Variants in FBN2 observed in about 807,000 individuals in gnomAD.
FBN2 encodes the protein fibrillin-2.
Under a neutral mutation model 355.6 loss-of-function variants are expected in FBN2, and 105 were observed. That is an observed-to-expected ratio of 0.30 (90% CI 0.25 to 0.35). The LOEUF is 0.35. Ranked by LOEUF, FBN2 falls within the 10% of genes least tolerant of loss-of-function variation. FBN2 has a pLI of 1.00. For synonymous variants in FBN2, 1,350 were observed against 1,301.2 expected (o/e 1.04, Z -0.81); for missense variants, 3,280 against 3,758.7 (o/e 0.87, Z 3.33).
chr5:128,437,789 G>C, intron 7 of FBN2, among the ~76,000 whole-genome samples: 1 of 134,810 alleles, frequency 7.4e-6, no homozygotes. Context: ...TAGATAGATA[G>C]ATAGATAGAT....
chr5:128,493,561 T>A (rs1209601566), intron 5 of FBN2, among the ~76,000 whole-genome samples: 1 of 152,126 alleles, frequency 6.6e-6, no homozygotes, highest in Admixed American at 6.5e-5. Context: ...TAATCCTTCA[T>A]AAAGGGCCTT....
chr5:128,362,524 G>C (rs1468799557), intron 18 of FBN2, among the ~76,000 whole-genome samples: 1 of 152,164 alleles, frequency 6.6e-6, no homozygotes, highest in Non-Finnish European at 1.5e-5. Context: ...GCACTGGTGC[G>C]ATCACAGCTC....
rs28763935 is a variant in FBN2, at chr5:128,301,337, A to G, written c.6046+45T>C. 6.2e-3 allele frequency: 9,655 copies of G among 1,561,526 alleles called. 48 individuals carry two copies. The highest frequency in any genetic ancestry group is 8.9e-3 in the South Asian group (797 of 89,846). Reference sequence around the variant, plus strand: ...GGAGGGAGGCACATATCATCATTTTACAAAACATAACACCACAAAGACTGC... The same window carrying G: ...GGAGGGAGGCACATATCATCATTTTGCAAAACATAACACCACAAAGACTGC... On this transcript the variant is annotated intron_variant, in intron 47 of 64. Transcript: ENST00000262464.
intron 39 of FBN2, 105 bp downstream of exon 39, chr5:128,311,189 CAATCTT>C: frequency 8.7e-7 from 1 of 1,148,040 alleles, no homozygotes; most frequent in Non-Finnish European, 1.3e-6. Flanking sequence ...AGCTATGAAC[CAATCTT>C]AATTGAGCCT....
At chr5:128,279,891 A>T (rs997533553) in intron 56 of FBN2, among the ~76,000 whole-genome samples, 1 of 152,160 alleles carries the variant, frequency 6.6e-6, no homozygotes, top group Non-Finnish European at 1.5e-5. Context: ...TTTCTTTTGG[A>T]ATTAAATCAT....
intron 26 of FBN2, among the ~76,000 whole-genome samples, chr5:128,338,447 T>A (rs1477878781): frequency 6.6e-6 from 1 of 152,182 alleles, no homozygotes; most frequent in Non-Finnish European, 1.5e-5. Flanking sequence ...TCTGTAACGC[T>A]AATCAGGGTG....
chr5:128,455,203 T>C (rs2127070071), intron 6 of FBN2, among the ~76,000 whole-genome samples: 1 of 152,310 alleles, frequency 6.6e-6, no homozygotes. Flanking sequence ...CAATTTGTTA[T>C]ATATTTAAAG....
At chr5:128,409,501 A>G (rs1425866916) in intron 7 of FBN2, among the ~76,000 whole-genome samples, 1 of 152,228 alleles carries the variant, frequency 6.6e-6, no homozygotes, top group Non-Finnish European at 1.5e-5. Flanking sequence ...CTTAAAGCAG[A>G]AAACCCAGTC....
intron 11 of FBN2, among the ~76,000 whole-genome samples, chr5:128,379,361 G>A (rs763349742): frequency 6.6e-6 from 1 of 151,808 alleles, no homozygotes; most frequent in Non-Finnish European, 1.5e-5. Context: ...GAATGTCTTT[G>A]GTATAACTTT....
At chr5:128,329,605 A>G (rs1472775444) in intron 33 of FBN2, among the ~76,000 whole-genome samples, 1 of 152,236 alleles carries the variant, frequency 6.6e-6, no homozygotes, top group African/African-American at 2.4e-5. Flanking sequence ...TGTGTCTGAC[A>G]TGAAAGCCAT....
intron 8 of FBN2, among the ~76,000 whole-genome samples, chr5:128,398,593 T>C (rs897110392): frequency 6.6e-6 from 1 of 152,044 alleles, no homozygotes; most frequent in Non-Finnish European, 1.5e-5. Context: ...TATATATGAA[T>C]ATATTATCTT....
chr5:128,385,619 A>T (rs1752348303), intron 11 of FBN2, among the ~76,000 whole-genome samples: 1 of 152,042 alleles, frequency 6.6e-6, no homozygotes, highest in African/African-American at 2.4e-5. Flanking sequence ...TTATTTGAGA[A>T]ATCTCCAAAC....
In FBN2 at chr5:128,537,565, G is replaced by A. The variant is rs1756892140; in HGVS notation, c.39C>T (p.Phe13=). 1 of 1,604,944 alleles carries A rather than the reference G, an allele frequency of 6.2e-7. No homozygotes were observed. Among genetic ancestry groups the A allele is most frequent in the Non-Finnish European group, 8.5e-7 (1 of 1,177,234 alleles). Residue 13 remains phenylalanine (F), a synonymous_variant, in exon 1 of 65, where the codon TTC becomes TTT. Coordinates refer to ENST00000262464, the MANE Select transcript of FBN2 (RefSeq NM_001999.4). ...AGAGCACCACACAGCCCAGCCACAGGAAGTAGAGCTGGAGACACAGCCTCC... is the reference window on the plus strand; with the variant it reads ...AGAGCACCACACAGCCCAGCCACAGAAAGTAGAGCTGGAGACACAGCCTCC... ...RRRRLCLQLY[F]LWLGCVVLWA...
intron 5 of FBN2, among the ~76,000 whole-genome samples, chr5:128,510,150 C>T (rs772495118): frequency 1.3e-5 from 2 of 152,258 alleles, no homozygotes; most frequent in Admixed American, 1.3e-4. Context: ...TTTCTCACCC[C>T]GTAGCACAGG....
chr5:128,310,413 T>A (rs1750022689), intron 39 of FBN2, among the ~76,000 whole-genome samples: 2 of 107,898 alleles, frequency 1.9e-5, no homozygotes, highest in African/African-American at 4.0e-5. Flanking sequence ...TTTTTTTTTT[T>A]TTTTTTTTAT....
At chr5:128,305,443 T>C (rs1749841081) in intron 44 of FBN2, 68 bp downstream of exon 44, 1 of 1,565,392 alleles carries the variant, frequency 6.4e-7, no homozygotes, top group African/African-American at 1.4e-5. Flanking sequence ...ATTCTTGAAG[T>C]ATTTTTTGAT....
At chr5:128,377,022 G>C (rs963803560) in intron 13 of FBN2, among the ~76,000 whole-genome samples, 169 bp from the exon 14 acceptor site, 5 of 152,156 alleles carry the variant, frequency 3.3e-5, no homozygotes, top group Non-Finnish European at 7.3e-5. Flanking sequence ...AAATAGTGCG[G>C]AGAGTGGAAA....
intron 6 of FBN2, among the ~76,000 whole-genome samples, chr5:128,464,501 C>T (rs980127677): frequency 3.9e-5 from 6 of 152,116 alleles, no homozygotes; most frequent in Admixed American, 6.5e-5. Context: ...TACATTTCCC[C>T]CAATTCTTCA....
chr5:128,518,364 C>T (rs1756343136), intron 5 of FBN2, among the ~76,000 whole-genome samples: 1 of 152,144 alleles, frequency 6.6e-6, no homozygotes, highest in Admixed American at 6.5e-5. Flanking sequence ...CTTGACTAAC[C>T]ATTTATATGA....
Sources: allele counts gnomAD v4.1 joint callset (sites outside exome capture counted in the v4.1 genomes callset), GRCh38; gene constraint gnomAD v4.1.1; transcripts MANE v1.5; gene names NCBI Gene and HGNC (gene_info 2026-07-23, HGNC 2026-07-21).